PCDH15: variants seen among roughly 807,000 people sequenced by gnomAD.
The protein encoded by PCDH15 is protocadherin related 15, also known as protocadherin-15.
In PCDH15, 129 loss-of-function variants were observed where a neutral mutation model predicts 178.5. The ratio of observed to expected loss-of-function variants is 0.72; its 90% confidence interval spans 0.63 to 0.84. The LOEUF is 0.84. PCDH15 is among the 40% of genes least tolerant of loss of function. PCDH15 has a pLI of 0.00. For synonymous variants in PCDH15, 800 were observed against 732.0 expected (o/e 1.09, Z -1.50); for missense variants, 2,230 against 2,099.9 (o/e 1.06, Z -1.21).
At chr10:55,501,487 A>G (rs1840655894) in intron 2 of PCDH15, among the ~76,000 whole-genome samples, 2 of 151,758 alleles carry the variant, frequency 1.3e-5, no homozygotes, top group Non-Finnish European at 2.9e-5. Context: ...GTATTTATTA[A>G]TTTTATCTGT....
At chr10:54,646,091 C>T (rs2094125082) in intron 2 of PCDH15, among the ~76,000 whole-genome samples, 1 of 149,954 alleles carries the variant, frequency 6.7e-6, no homozygotes, top group African/African-American at 2.5e-5. Context: ...TGTTAATCCT[C>T]TGTTTCTCTT....
chr10:54,393,276 T>A (rs1390337354), intron 3 of PCDH15, among the ~76,000 whole-genome samples: 1 of 152,172 alleles, frequency 6.6e-6, no homozygotes, highest in Non-Finnish European at 1.5e-5. Context: ...TATCTCCAAC[T>A]GTTACAGAGA....
intron 1 of PCDH15, among the ~76,000 whole-genome samples, chr10:54,695,586 T>C (rs190241630): frequency 6.6e-6 from 1 of 152,236 alleles, no homozygotes; most frequent in Non-Finnish European, 1.5e-5. Context: ...AAGGATGCCG[T>C]GTAAAACTTT....
At chr10:53,963,788 AC>A (rs2088638084) in intron 21 of PCDH15, among the ~76,000 whole-genome samples, 1 of 151,996 alleles carries the variant, frequency 6.6e-6, no homozygotes, top group Admixed American at 6.6e-5. Context: ...TCCTGCCAAT[AC>A]CTCAATGAGT....
At chr10:54,933,734 A>G (rs1435443651) in intron 2 of PCDH15, among the ~76,000 whole-genome samples, 4 of 152,116 alleles carry the variant, frequency 2.6e-5, no homozygotes, top group African/African-American at 9.7e-5. Flanking sequence ...TATTAATTAG[A>G]TATTTTAATT....
intron 3 of PCDH15, among the ~76,000 whole-genome samples, chr10:54,838,412 C>T (rs1017029271): frequency 6.6e-6 from 1 of 152,118 alleles, no homozygotes; most frequent in Admixed American, 6.6e-5. Context: ...TGCCATTATG[C>T]AAGAGGTGCC....
At chr10:54,204,632 C>CA (rs2050600130) in intron 10 of PCDH15, among the ~76,000 whole-genome samples, 1 of 151,992 alleles carries the variant, frequency 6.6e-6, no homozygotes, top group African/African-American at 2.4e-5. Context: ...ACTTGCTCCC[C>CA]AAAAAAGTGT....
chr10:55,349,153 T>G (rs1390195963), intron 2 of PCDH15, among the ~76,000 whole-genome samples: 1 of 152,110 alleles, frequency 6.6e-6, no homozygotes, highest in African/African-American at 2.4e-5. Flanking sequence ...TCTGTAGTCA[T>G]GGACCAGGAA....
intron 21 of PCDH15, among the ~76,000 whole-genome samples, chr10:53,978,674 T>TC (rs2090387968): frequency 7.2e-6 from 1 of 139,792 alleles, no homozygotes; most frequent in African/African-American, 2.6e-5. Context: ...TTTTTTTTTT[T>TC]CTACTGCATC....
chr10:54,493,717 C>T (rs1188763507), intron 3 of PCDH15, among the ~76,000 whole-genome samples: 1 of 152,030 alleles, frequency 6.6e-6, no homozygotes, highest in Admixed American at 6.6e-5. Context: ...TACCATTTGA[C>T]CCAGCCATCC....
intron 17 of PCDH15, among the ~76,000 whole-genome samples, chr10:54,069,929 TA>T: frequency 6.6e-6 from 1 of 152,154 alleles, no homozygotes; most frequent in South Asian, 2.1e-4. Context: ...TAATGCCAGT[TA>T]AATTAAAAAG....
At chr10:55,508,062 A>C (rs1244021854) in intron 2 of PCDH15, among the ~76,000 whole-genome samples, 1 of 151,624 alleles carries the variant, frequency 6.6e-6, no homozygotes, top group African/African-American at 2.4e-5. Flanking sequence ...CATCCCGGAC[A>C]CTTATTTAGG....
chr10:54,988,966 C>T lies in PCDH15; in HGVS notation c.-79-91466G>A, dbSNP rs1013339278. Among the ~76,000 whole-genome samples, 5 of 152,116 alleles carry T rather than the reference C, an allele frequency of 3.3e-5. No individual in the cohort carries two copies. In the South Asian group the frequency reaches 6.2e-4, roughly 19 times the overall value. On this transcript the variant is annotated intron_variant, in intron 2 of 5. Transcript: ENST00000458638. ...AGGCAGAAAAAGTGGTTTCTTGGGCCGGGACCAGGATCCCCATGCTGTGTG... is the reference window on the plus strand; with the variant it reads ...AGGCAGAAAAAGTGGTTTCTTGGGCTGGGACCAGGATCCCCATGCTGTGTG...
At chr10:54,667,732 T>C (rs2135463699) in intron 1 of PCDH15, among the ~76,000 whole-genome samples, 1 of 152,228 alleles carries the variant, frequency 6.6e-6, no homozygotes, top group African/African-American at 2.4e-5. Context: ...AATAATGTTA[T>C]GTTCTAAAAA....
chr10:55,064,507 T>C (rs1254411544), intron 2 of PCDH15, among the ~76,000 whole-genome samples: 1 of 152,128 alleles, frequency 6.6e-6, no homozygotes, highest in Non-Finnish European at 1.5e-5. Context: ...CTCTATTATA[T>C]GCTGAGAAAA....
chr10:54,068,057 C>A (rs982679973), intron 17 of PCDH15, among the ~76,000 whole-genome samples: 5 of 151,990 alleles, frequency 3.3e-5, no homozygotes, highest in African/African-American at 1.2e-4. Context: ...AAGTTCTATA[C>A]CATGCAAGTC....
Position 53,847,122 on chromosome 10 carries a change from T to C in PCDH15, c.3807-6626A>G, listed in dbSNP as rs540819995. On this transcript the variant is annotated intron_variant, in intron 28 of 37. Coordinates refer to ENST00000644397, the MANE Select transcript of PCDH15 (RefSeq NM_001384140.1). The stretch of plus-strand genomic sequence containing the variant: ...GTACAGTGGGAAAAGTAGTCAAACC[T>C]ACCTCAAAGGTCCTCTGTGATAGGT... 2.6e-5 allele frequency among the ~76,000 whole-genome samples: 4 copies of C among 152,168 alleles called. No homozygotes were observed. In the South Asian group the frequency reaches 8.3e-4, roughly 32 times the overall value.
intron 10 of PCDH15, among the ~76,000 whole-genome samples, chr10:54,196,362 T>C (rs1021496527): frequency 2.5e-4 from 38 of 152,190 alleles, no homozygotes; most frequent in African/African-American, 8.9e-4. Flanking sequence ...CAGGATGCTC[T>C]CGATCTCCTG....
intron 1 of PCDH15, among the ~76,000 whole-genome samples, chr10:55,221,131 A>C (rs1038691810): frequency 6.6e-6 from 1 of 152,044 alleles, no homozygotes; most frequent in African/African-American, 2.4e-5. Context: ...GGAGTGAAAG[A>C]AAGCAGAAAC....
Sources: allele counts gnomAD v4.1 joint callset (sites outside exome capture counted in the v4.1 genomes callset), GRCh38; gene constraint gnomAD v4.1.1; transcripts MANE v1.5; gene names NCBI Gene and HGNC (gene_info 2026-07-23, HGNC 2026-07-21).